NSD1: variants seen among roughly 807,000 people sequenced by gnomAD.
The protein encoded by NSD1 is histone-lysine N-methyltransferase, H3 lysine-36 specific.
Under a neutral mutation model 242.7 loss-of-function variants are expected in NSD1, and 26 were observed. That is an observed-to-expected ratio of 0.11 (90% CI 0.08 to 0.15). The LOEUF is 0.15. NSD1 is among the 10% of genes least tolerant of loss of function. NSD1 has a pLI of 1.00. For missense variants in NSD1, 2,495 were observed against 3,272.8 expected (o/e 0.76, Z 5.80); for synonymous variants, 1,106 against 1,178.1 (o/e 0.94, Z 1.25).
At chr5:177,270,500 T>C (rs1201609021) in intron 16 of NSD1, among the ~76,000 whole-genome samples, 1 of 152,226 alleles carries the variant, frequency 6.6e-6, no homozygotes, top group Non-Finnish European at 1.5e-5. Context: ...AGCTGTCCTT[T>C]GAAAGATAAT....
At chr5:177,260,652 GAACTTTTTAA>G (rs1340878463) in intron 14 of NSD1, among the ~76,000 whole-genome samples, 5 of 152,004 alleles carry the variant, frequency 3.3e-5, no homozygotes, top group African/African-American at 1.2e-4. Flanking sequence ...CTGTCCAGCA[GAACTTTTTAA>G]AACTTGGCTT....
chr5:177,208,735 G>A (rs1763095685), intron 4 of NSD1, among the ~76,000 whole-genome samples: 1 of 149,566 alleles, frequency 6.7e-6, no homozygotes, highest in Admixed American at 6.7e-5. Flanking sequence ...TTTTTGAGAT[G>A]GAGTCTTGCT....
intron 2 of NSD1, among the ~76,000 whole-genome samples, chr5:177,144,309 A>G (rs929060430): frequency 6.6e-6 from 1 of 151,936 alleles, no homozygotes; most frequent in Admixed American, 6.6e-5. Context: ...GCTGGGCCCA[A>G]GTGATCCACC....
intron 2 of NSD1, among the ~76,000 whole-genome samples, chr5:177,160,111 G>A (rs1228354106): frequency 6.6e-6 from 1 of 151,562 alleles, no homozygotes; most frequent in African/African-American, 2.4e-5. Flanking sequence ...GGCTGATCTT[G>A]AACTACTGAC....
chr5:177,210,919 C>T lies in NSD1; in HGVS notation c.2520C>T (p.Asn840=). 2.5e-6 allele frequency: 4 copies of T among 1,614,108 alleles called. No homozygotes were observed. Among genetic ancestry groups the T allele is most frequent in the Non-Finnish European group, 3.4e-6 (4 of 1,180,018 alleles). ...AAGTGGATGGTCTAAAACTACTGAACAATATGCATGAGAAAACCAGGGATT... is the reference window on the plus strand; with the variant it reads ...AAGTGGATGGTCTAAAACTACTGAATAATATGCATGAGAAAACCAGGGATT... ...SGKVDGLKLL[N]NMHEKTRDSS... Residue 840 remains asparagine (N), a synonymous_variant, in exon 5 of 23, where the codon AAC becomes AAT. Coordinates refer to ENST00000439151, the MANE Select transcript of NSD1 (RefSeq NM_022455.5).
chr5:177,131,901 C>G (rs1005914441), upstream of NSD1, among the ~76,000 whole-genome samples: 9 of 152,168 alleles, frequency 5.9e-5, no homozygotes, highest in African/African-American at 2.2e-4. Context: ...AGCGAGAAGG[C>G]GCTTAGCGCC....
chr5:177,197,054 G>C (rs1269179814), intron 3 of NSD1, among the ~76,000 whole-genome samples: 1 of 151,458 alleles, frequency 6.6e-6, no homozygotes. Flanking sequence ...ATCACTTGAG[G>C]TCAGGAGTTG....
chr5:177,241,864 T>G (rs1765899069), intron 8 of NSD1, among the ~76,000 whole-genome samples: 1 of 152,216 alleles, frequency 6.6e-6, no homozygotes, highest in South Asian at 2.1e-4. Flanking sequence ...CACCACCCTG[T>G]CTGCAGGTGG....
At chr5:177,248,141 T>C in intron 10 of NSD1, 40 bp from the exon 11 acceptor site, 1 of 1,611,772 alleles carries the variant, frequency 6.2e-7, no homozygotes, top group Admixed American at 1.7e-5. Context: ...GGAAGAGACA[T>C]CAATAATACA....
upstream of NSD1, chr5:177,133,735 G>A (rs1756035183): frequency 6.7e-6 from 1 of 148,420 alleles, no homozygotes; most frequent in Admixed American, 6.7e-5. The surrounding 1 kb of genome is among the most constrained non-coding windows in gnomAD (Gnocchi z 6.2). Flanking sequence ...TCGCACGCGC[G>A]GCCGCGGGGG....
At chr5:177,182,587 G>GA (rs1007069561) in intron 2 of NSD1, among the ~76,000 whole-genome samples, 1 of 151,986 alleles carries the variant, frequency 6.6e-6, no homozygotes, top group Non-Finnish European at 1.5e-5. Context: ...GTCTGGCTTT[G>GA]TTTTTTCCTC....
At chr5:177,290,407 A>AT (rs1214277398) in intron 21 of NSD1, among the ~76,000 whole-genome samples, 1 of 140,952 alleles carries the variant, frequency 7.1e-6, no homozygotes, top group Admixed American at 7.4e-5. Flanking sequence ...AGAGTAAATA[A>AT]ATTTTTTTTT....
intron 20 of NSD1, 123 bp from the exon 21 acceptor site, chr5:177,288,696 G>C (rs550849544): frequency 1.4e-6 from 1 of 737,360 alleles, no homozygotes; most frequent in African/African-American, 1.8e-5. Context: ...TAAAATATAG[G>C]ATTAGAGCTA....
intron 4 of NSD1, among the ~76,000 whole-genome samples, chr5:177,207,176 AC>A (rs1048108445): frequency 6.7e-6 from 1 of 150,356 alleles, no homozygotes; most frequent in African/African-American, 2.4e-5. Flanking sequence ...ACCTAAGGTG[AC>A]CCCCCGCCAT....
intron 2 of NSD1, among the ~76,000 whole-genome samples, chr5:177,178,218 TTTGATTGA>T (rs571851194): frequency 6.6e-6 from 1 of 152,032 alleles, no homozygotes; most frequent in Non-Finnish European, 1.5e-5. Flanking sequence ...TTAATAGACA[TTTGATTGA>T]TTGATTGATT....
chr5:177,273,034 G>A (rs553347441), intron 16 of NSD1, among the ~76,000 whole-genome samples: 1 of 152,278 alleles, frequency 6.6e-6, no homozygotes, highest in East Asian at 1.9e-4. Flanking sequence ...AGAGGAGAGT[G>A]AGCACAATAT....
intron 2 of NSD1, among the ~76,000 whole-genome samples, chr5:177,170,555 G>C (rs951994852): frequency 2.0e-5 from 3 of 152,006 alleles, no homozygotes; most frequent in Non-Finnish European, 4.4e-5. Context: ...GTTTCACCAT[G>C]TTGCCCAGGC....
At chr5:177,274,537 G>A (rs1383358270) in intron 17 of NSD1, among the ~76,000 whole-genome samples, 1 of 152,130 alleles carries the variant, frequency 6.6e-6, no homozygotes, top group Non-Finnish European at 1.5e-5. Context: ...TAGTTGCGAT[G>A]CTCAAATATC....
chr5:177,251,933 CTA>C, intron 12 of NSD1, 80 bp downstream of exon 12: 8 of 1,575,562 alleles, frequency 5.1e-6, no homozygotes, highest in Non-Finnish European at 7.0e-6. Context: ...ATTGGAGACA[CTA>C]TTTTGTGGCA....
Sources: gnomAD v4.1 joint callset for allele counts (sites outside exome capture counted in the v4.1 genomes callset) on GRCh38, gnomAD v4.1.1 for gene constraint, Gnocchi (gnomAD v3.1) non-coding constraint, MANE v1.5 for transcripts, NCBI Gene and HGNC (gene_info 2026-07-23, HGNC 2026-07-21) for gene names.